GPM6B: variants seen among roughly 807,000 people sequenced by gnomAD.
GPM6B encodes the protein glycoprotein M6B.
In GPM6B, 4 loss-of-function variants were observed where a neutral mutation model predicts 27.2. That is an observed-to-expected ratio of 0.15 (90% CI 0.07 to 0.34). The LOEUF is 0.34. Ranked by LOEUF, GPM6B falls within the 10% of genes least tolerant of loss-of-function variation. GPM6B has a pLI of 1.00. For synonymous variants in GPM6B, 124 were observed against 103.1 expected, an observed-to-expected ratio of 1.20 and a Z score of -1.23; for missense variants, 183 against 261.9, an observed-to-expected ratio of 0.70 and a Z score of 2.08.
intron 1 of GPM6B, among the ~76,000 whole-genome samples, chrX:13,814,087 C>G (rs775424102): frequency 8.9e-6 from 1 of 112,376 alleles, no homozygotes; most frequent in South Asian, 3.7e-4. Context: ...AGAAAGAGCT[C>G]TCTTTGTAGG....
chrX:13,865,560 AAAGAAAG>A (rs1336926895), intron 1 of GPM6B, among the ~76,000 whole-genome samples: 615 of 40,802 alleles, frequency 0.015, 15 homozygotes, highest in African/African-American at 0.048. Context: ...AAAAAAAAAA[AAAGAAAG>A]AAAGAAAGAA....
At chrX:13,844,981 TTTTTC>T (rs2049626634) in intron 1 of GPM6B, among the ~76,000 whole-genome samples, 1 of 101,830 alleles carries the variant, frequency 9.8e-6, no homozygotes, top group Non-Finnish European at 2.0e-5. Context: ...TTCAGAACGT[TTTTTC>T]TTTTTCTTTT....
At chrX:13,897,959 T>A (rs902579222) in intron 1 of GPM6B, among the ~76,000 whole-genome samples, 2 of 112,323 alleles carry the variant, frequency 1.8e-5, no homozygotes, top group African/African-American at 6.5e-5. Flanking sequence ...TTTCTTTATA[T>A]TACAATTAAC....
intron 2 of GPM6B, 112 bp downstream of exon 2, chrX:13,807,538 A>G (rs1000205980): frequency 1.8e-5 from 11 of 615,612 alleles, no homozygotes; most frequent in Non-Finnish European, 2.6e-5. Flanking sequence ...GTGTGAACAA[A>G]TTAATGCACC....
intron 2 of GPM6B, among the ~76,000 whole-genome samples, chrX:13,792,292 A>G (rs1232272350): frequency 8.9e-6 from 1 of 111,822 alleles, no homozygotes; most frequent in Non-Finnish European, 1.9e-5. Flanking sequence ...CACAGTGTAC[A>G]GAATATGCTC....
chrX:13,928,832 A>C (rs987616195), intron 1 of GPM6B, among the ~76,000 whole-genome samples: 5 of 111,906 alleles, frequency 4.5e-5, no homozygotes, highest in African/African-American at 1.6e-4. Context: ...TTGCGCTGGA[A>C]CTATTTTGCA....
At chrX:13,789,789 A>AACAAAT (rs1197864118) in intron 2 of GPM6B, among the ~76,000 whole-genome samples, 3 of 110,244 alleles carry the variant, frequency 2.7e-5, no homozygotes, top group African/African-American at 9.9e-5. Flanking sequence ...CAAAAACAAA[A>AACAAAT]ACAAAAACAA....
chrX:13,872,206 C>G (rs1370296325), intron 1 of GPM6B, among the ~76,000 whole-genome samples: 1 of 80,761 alleles, frequency 1.2e-5, no homozygotes, highest in Non-Finnish European at 2.2e-5. Flanking sequence ...GGGTCTCACT[C>G]TGTCACTCAG....
At chrX:13,803,139 C>A (rs2048954056) in intron 2 of GPM6B, among the ~76,000 whole-genome samples, 1 of 111,454 alleles carries the variant, frequency 9.0e-6, no homozygotes, top group Non-Finnish European at 1.9e-5. Flanking sequence ...TACAGGTGTC[C>A]CTCTACAAAG....
chrX:13,840,273 C>A (rs767881397), intron 1 of GPM6B, among the ~76,000 whole-genome samples: 2 of 111,242 alleles, frequency 1.8e-5, no homozygotes, highest in African/African-American at 6.5e-5. Context: ...AGGCTCAGCT[C>A]TGATGCTCTC....
chrX:13,838,327 T>C (rs980341592), intron 1 of GPM6B, among the ~76,000 whole-genome samples: 15 of 111,602 alleles, frequency 1.3e-4, no homozygotes, highest in African/African-American at 4.6e-4. Context: ...AAAAACAAAA[T>C]CAATCTAGTA....
chrX:13,861,314 G>C (rs2049850447), intron 1 of GPM6B, among the ~76,000 whole-genome samples: 1 of 109,896 alleles, frequency 9.1e-6, no homozygotes, highest in African/African-American at 3.3e-5. Context: ...TTTTCCCCCT[G>C]GGTAGACAGC....
chrX:13,930,643 C>G (rs1269971402), intron 1 of GPM6B, among the ~76,000 whole-genome samples: 1 of 110,353 alleles, frequency 9.1e-6, no homozygotes, highest in Non-Finnish European at 1.9e-5. Context: ...AACAAGGGAA[C>G]ATCACTACAG....
intron 1 of GPM6B, among the ~76,000 whole-genome samples, chrX:13,808,852 C>T (rs779651151): frequency 1.8e-5 from 2 of 111,960 alleles, no homozygotes; most frequent in South Asian, 7.5e-4. Context: ...TCTCTGAAAA[C>T]TTGTAAGGTA....
intron 1 of GPM6B, among the ~76,000 whole-genome samples, chrX:13,871,522 G>T (rs1317631216): frequency 8.9e-6 from 1 of 112,127 alleles, no homozygotes; most frequent in Non-Finnish European, 1.9e-5. Context: ...TCAAAGTGTG[G>T]CCCTTAGACC....
chrX:13,776,643 C>CA (rs2048418408), intron 6 of GPM6B, among the ~76,000 whole-genome samples: 1 of 112,284 alleles, frequency 8.9e-6, no homozygotes, highest in Non-Finnish European at 1.9e-5. Flanking sequence ...TACAAATTGA[C>CA]AAGTCAGATA....
intron 1 of GPM6B, among the ~76,000 whole-genome samples, chrX:13,829,255 C>A (rs1471193860): frequency 9.0e-6 from 1 of 111,399 alleles, no homozygotes; most frequent in Non-Finnish European, 1.9e-5. Context: ...CCCTGCCAGC[C>A]CCACTCCAAT....
chrX:13,930,821 C>A (rs1003116926), intron 1 of GPM6B, among the ~76,000 whole-genome samples: 1 of 112,149 alleles, frequency 8.9e-6, no homozygotes, highest in African/African-American at 3.2e-5. Context: ...CACTTCATAA[C>A]TTAAACATTT....
At chrX:13,779,700 TAGAA>T in intron 5 of GPM6B, 114 bp downstream of exon 5, 1 of 588,537 alleles carries the variant, frequency 1.7e-6, no homozygotes. Context: ...ATTACTCTAA[TAGAA>T]GGGATGAAAC....
Sources: gnomAD v4.1 joint callset for allele counts (sites outside exome capture counted in the v4.1 genomes callset) on GRCh38, gnomAD v4.1.1 for gene constraint, MANE v1.5 for transcripts, NCBI Gene and HGNC (gene_info 2026-07-23, HGNC 2026-07-21) for gene names.